Variants in RTEL1 observed in about 807,000 individuals in gnomAD.
RTEL1 encodes regulator of telomere length.
Under a neutral mutation model 162.2 loss-of-function variants are expected in RTEL1, and 86 were observed. The observed-to-expected ratio is 0.53, with a 90% confidence interval of 0.45 to 0.63. RTEL1 has a LOEUF of 0.63. Among genes scored for constraint, RTEL1 ranks in the 30% least tolerant of loss-of-function variants. The probability of loss-of-function intolerance (pLI) is 0.00; values close to 1 mark genes in which losing one functional copy is unlikely to be tolerated. For synonymous variants in RTEL1, 958 were observed against 717.9 expected (o/e 1.33, Z -5.35); for missense variants, 1,941 against 1,750.2 (o/e 1.11, Z -1.95).
chr20:63,671,258 G>A (rs1205693011), intron 8 of RTEL1, among the ~76,000 whole-genome samples: 2 of 151,462 alleles, frequency 1.3e-5, no homozygotes, highest in African/African-American at 2.4e-5. Flanking sequence ...ACGGCAGTTC[G>A]CCATGTTGGC....
intron 15 of RTEL1, 94 bp downstream of exon 15, chr20:63,685,691 A>G: frequency 6.3e-7 from 1 of 1,584,522 alleles, no homozygotes. Context: ...GGCCACCTCC[A>G]GGAGGCAGGT....
chr20:63,690,135 C>G lies in RTEL1; in HGVS notation c.2190C>G (p.Pro730=), dbSNP rs144933599. Residue 730 remains proline, a synonymous_variant, in exon 25 of 35, where the codon CCC becomes CCG. Coordinates refer to ENST00000360203, the MANE Select transcript of RTEL1 (RefSeq NM_001283009.2). ...ARAQLPSWVR[P]HVRVYDNFGH... ...CCCAACTGCCCTCCTGGGTGCGTCC[C>G]CACGTCAGGGTGTATGACAACTTTG... 1.9e-6 allele frequency: 3 copies of G among 1,612,498 alleles called. No homozygotes were observed. In the African/African-American group the frequency reaches 4.0e-5, roughly 21 times the overall value.
intron 8 of RTEL1, 112 bp from the exon 9 acceptor site, chr20:63,672,444 G>T: frequency 1.2e-6 from 1 of 859,208 alleles, no homozygotes. Context: ...CATCGCCGGC[G>T]CTGTTGCTCA....
At chr20:63,691,025 G>A (rs2090727809) in intron 27 of RTEL1, 78 bp downstream of exon 27, 11 of 1,416,564 alleles carry the variant, frequency 7.8e-6, no homozygotes, top group Non-Finnish European at 1.0e-5. Flanking sequence ...TCTGGCCTCA[G>A]GCACCTCCCC....
rs557495782 is a variant in RTEL1, at chr20:63,678,872, C to T, written c.1037+526C>T. ...TCCCACGGAACAGCAGACTCTCCCA[C>T]GGAACAGCACACACACTCCCACAGA... On this transcript the variant is annotated intron_variant, in intron 12 of 34. Coordinates refer to ENST00000360203, the MANE Select transcript of RTEL1 (RefSeq NM_001283009.2). Among the ~76,000 whole-genome samples, 6 of 141,122 alleles carry T rather than the reference C, an allele frequency of 4.3e-5. No individual in the cohort carries two copies. The East Asian group carries it at 1.3e-3, about 30-fold the overall frequency. The allele number at this position is 141,122 out of a possible 152,430, so 92.6% of individuals were successfully genotyped here.
rs751450627 is a variant in RTEL1, at chr20:63,693,007, C to T, written c.2851+4C>T. On this transcript the variant is annotated splice_donor_region_variant and intron_variant, in intron 29 of 34. Transcript: ENST00000360203. ...AAGAAGCACAACCTGCTCCAAGGTG[C>T]CCTGGCTTGCAGAGGCCACCCACCC... is the stretch of plus-strand genomic sequence containing the variant. 13 of 1,612,314 alleles carry T rather than the reference C, an allele frequency of 8.1e-6. No individual in the cohort carries two copies. The Admixed American group carries it at 1.0e-4, about 12-fold the overall frequency.
intron 7 of RTEL1, among the ~76,000 whole-genome samples, chr20:63,666,787 C>G (rs2090137215): frequency 6.6e-6 from 1 of 151,968 alleles, no homozygotes; most frequent in Admixed American, 6.6e-5. Flanking sequence ...GCCTTGGCCT[C>G]CCAAAGTGCT....
intron 8 of RTEL1, among the ~76,000 whole-genome samples, chr20:63,669,052 C>T (rs1174422022): frequency 2.0e-5 from 3 of 152,112 alleles, no homozygotes; most frequent in African/African-American, 7.2e-5. Context: ...GGCACCATCT[C>T]GGCTCACTGC....
intron 18 of RTEL1, 36 bp downstream of exon 18, chr20:63,688,086 G>A: frequency 1.1e-5 from 17 of 1,612,044 alleles, no homozygotes; most frequent in Non-Finnish European, 1.4e-5. Context: ...TGGGGTGGGA[G>A]GTGGGGGAGC....
chr20:63,694,131 C>G (rs571980065), intron 30 of RTEL1, among the ~76,000 whole-genome samples: 2 of 152,154 alleles, frequency 1.3e-5, no homozygotes, highest in African/African-American at 2.4e-5. Context: ...ATGCCTGCAC[C>G]CAGCCTACGG....
intron 14 of RTEL1, among the ~76,000 whole-genome samples, chr20:63,684,331 C>T (rs2090544257): frequency 6.6e-6 from 1 of 152,106 alleles, no homozygotes; most frequent in Non-Finnish European, 1.5e-5. Flanking sequence ...TGTCGTAAGT[C>T]CTGGTGTTGG....
At chr20:63,684,971 G>A (rs2090558182) in intron 14 of RTEL1, among the ~76,000 whole-genome samples, 1 of 151,576 alleles carries the variant, frequency 6.6e-6, no homozygotes, top group Admixed American at 6.6e-5. Context: ...TCAACCTCCT[G>A]GGCTCAGGGG....
At chr20:63,689,242 G>A in intron 22 of RTEL1, 110 bp downstream of exon 22, 1 of 1,130,516 alleles carries the variant, frequency 8.8e-7, no homozygotes, top group Non-Finnish European at 1.3e-6. Flanking sequence ...CCCTCCTTGG[G>A]TCCCACGAGA....
intron 29 of RTEL1, 31 bp from the exon 30 acceptor site, chr20:63,693,112 C>T (rs2090800667): frequency 1.2e-6 from 2 of 1,611,874 alleles, no homozygotes; most frequent in African/African-American, 1.3e-5. Context: ...GAAAAAGGGG[C>T]AGATGGGGAC....
At chr20:63,672,438 G>A (rs2090262880) in intron 8 of RTEL1, 118 bp from the exon 9 acceptor site, 2 of 814,420 alleles carry the variant, frequency 2.5e-6, no homozygotes, top group Middle Eastern at 3.3e-4. Flanking sequence ...TCTCGACATC[G>A]CCGGCGCTGT....
At chr20:63,664,900 C>T (rs78930777) in intron 6 of RTEL1, among the ~76,000 whole-genome samples, 2,677 of 152,332 alleles carry the variant, frequency 0.018, 74 homozygotes, top group African/African-American at 0.06. Context: ...GGGACGGCCC[C>T]GCCCCTCGTG....
rs1342825195 is a variant in RTEL1, at chr20:63,668,170, C to G, written c.699+617C>G. 6.6e-6 allele frequency among the ~76,000 whole-genome samples: 1 copy of G among 152,140 alleles called. No individual in the cohort carries two copies. The highest frequency in any genetic ancestry group is 1.9e-4 in the East Asian group (1 of 5,190). On this transcript the variant is annotated intron_variant, in intron 8 of 34. Transcript: ENST00000360203. The surrounding 1 kb of genome is among the most constrained non-coding windows in gnomAD (Gnocchi z 4.3). ...CAACTCCCCTCCTCCCAGTGTGTGC[C>G]CGGCCCTGCTGCCCTCCTCCCCATG...
intron 20 of RTEL1, 38 bp from the exon 21 acceptor site, chr20:63,688,490 G>T (rs1026794861): frequency 1.5e-5 from 24 of 1,606,454 alleles, no homozygotes; most frequent in Non-Finnish European, 1.8e-5. Context: ...TCGGCGGCGT[G>T]ACCAGGGCTG....
chr20:63,690,858 G>C lies in RTEL1; in HGVS notation c.2467G>C (p.Glu823Gln). ...TAGCCTGTGTGTGGAGTATGAGCAG[G>C]AGCCAGTTCCTGCCCGGCAGAGGCC... is the stretch of plus-strand genomic sequence containing the variant. The part of the protein sequence containing the change: ...ESSLCVEYEQ[E>Q]PVPARQRPRG... Residue 823 changes from glutamate to glutamine, a missense_variant, in exon 27 of 35, where the codon GAG becomes CAG. Transcript: ENST00000360203. 1 of 1,604,282 alleles carries C rather than the reference G, an allele frequency of 6.2e-7. No homozygotes were observed. The highest frequency in any genetic ancestry group is 2.2e-5 in the East Asian group (1 of 44,688).
Sources: allele counts gnomAD v4.1 joint callset (sites outside exome capture counted in the v4.1 genomes callset), GRCh38; gene constraint gnomAD v4.1.1; non-coding constraint Gnocchi (gnomAD v3.1); transcripts MANE v1.5; gene names NCBI Gene and HGNC (gene_info 2026-07-23, HGNC 2026-07-21).